GPC5: variants seen among roughly 807,000 people sequenced by gnomAD.
The protein encoded by GPC5 is glypican 5.
In GPC5, 47 loss-of-function variants were observed where a neutral mutation model predicts 53.9. The ratio of observed to expected loss-of-function variants is 0.87; its 90% confidence interval spans 0.69 to 1.11. GPC5 has a LOEUF of 1.11. GPC5 is among the 50% of genes most tolerant of loss of function. The pLI, the probability that GPC5 is intolerant of heterozygous loss-of-function variation, is 0.00. For synonymous variants in GPC5, 286 were observed against 263.3 expected (o/e 1.09, Z -0.84); for missense variants, 748 against 713.1 (o/e 1.05, Z -0.56).
chr13:92,480,650 C>T (rs977695671), intron 7 of GPC5, among the ~76,000 whole-genome samples: 25 of 151,666 alleles, frequency 1.6e-4, no homozygotes, highest in African/African-American at 5.1e-4. Flanking sequence ...TGTTTACATT[C>T]GCAGACTAAA....
intron 7 of GPC5, among the ~76,000 whole-genome samples, chr13:92,544,597 C>A (rs1157851594): frequency 6.6e-6 from 1 of 152,120 alleles, no homozygotes; most frequent in Non-Finnish European, 1.5e-5. Flanking sequence ...GTTTTCCCAA[C>A]ACATGTGTCA....
At chr13:92,734,859 C>T (rs1888897004) in intron 7 of GPC5, among the ~76,000 whole-genome samples, 1 of 151,866 alleles carries the variant, frequency 6.6e-6, no homozygotes, top group African/African-American at 2.4e-5. Context: ...TAAAAGCATT[C>T]ACTTTGTTAT....
intron 7 of GPC5, among the ~76,000 whole-genome samples, chr13:92,550,726 C>T (rs747236432): frequency 6.6e-6 from 1 of 151,866 alleles, no homozygotes; most frequent in Non-Finnish European, 1.5e-5. Flanking sequence ...GTAAAAACTA[C>T]TTGATTGATG....
intron 6 of GPC5, among the ~76,000 whole-genome samples, chr13:91,919,497 T>G (rs1206109632): frequency 6.6e-6 from 1 of 152,240 alleles, no homozygotes; most frequent in East Asian, 1.9e-4. Context: ...ATCACTATGC[T>G]GCTGTGATAA....
intron 2 of GPC5, among the ~76,000 whole-genome samples, chr13:91,634,014 T>C (rs1158657178): frequency 3.9e-5 from 6 of 152,098 alleles, no homozygotes; most frequent in Admixed American, 3.9e-4. Context: ...AAGCACACAT[T>C]TGCTCTCCAT....
intron 2 of GPC5, among the ~76,000 whole-genome samples, chr13:91,530,564 C>T (rs1008628833): frequency 3.3e-5 from 5 of 152,134 alleles, no homozygotes; most frequent in Non-Finnish European, 5.9e-5. Context: ...AATAATTTCA[C>T]CTTTAGCTTT....
intron 6 of GPC5, among the ~76,000 whole-genome samples, chr13:92,107,192 C>T (rs902445690): frequency 6.6e-6 from 1 of 151,908 alleles, no homozygotes; most frequent in African/African-American, 2.4e-5. Context: ...AGAAGGATGC[C>T]CTTATGACTT....
chr13:92,525,437 A>AGTGTGTGTGTGT (rs34946580), intron 7 of GPC5, among the ~76,000 whole-genome samples: 7,622 of 136,502 alleles, frequency 0.056, 310 homozygotes, highest in Non-Finnish European at 0.074. Context: ...GATAGATTCA[A>AGTGTGTGTGTGT]GTGTGTGTGT....
intron 5 of GPC5, among the ~76,000 whole-genome samples, chr13:91,819,389 G>A (rs1354140572): frequency 6.6e-6 from 1 of 151,924 alleles, no homozygotes; most frequent in Non-Finnish European, 1.5e-5. Context: ...TCAAACTCCT[G>A]ACCTCGTGAT....
At chr13:92,346,004 G>A (rs1018125182) in intron 7 of GPC5, among the ~76,000 whole-genome samples, 1 of 152,074 alleles carries the variant, frequency 6.6e-6, no homozygotes, top group African/African-American at 2.4e-5. Context: ...ATTTTACTTT[G>A]AGTCTCTAGA....
intron 6 of GPC5, among the ~76,000 whole-genome samples, chr13:92,090,092 T>C (rs2138894450): frequency 6.6e-6 from 1 of 152,340 alleles, no homozygotes. Context: ...CTGATGTTTT[T>C]TCTAAAACTT....
At chr13:92,145,102 T>C in intron 7 of GPC5, 113 bp downstream of exon 7, 2 of 989,250 alleles carry the variant, frequency 2.0e-6, no homozygotes, top group East Asian at 6.6e-5. Context: ...GCAAGAGGAA[T>C]TGGAAATGGA....
At chr13:92,758,894 T>A (rs956482786) in intron 7 of GPC5, among the ~76,000 whole-genome samples, 1 of 151,992 alleles carries the variant, frequency 6.6e-6, no homozygotes, top group Non-Finnish European at 1.5e-5. Context: ...CCATTTTGAG[T>A]TGATTTTTGT....
intron 7 of GPC5, among the ~76,000 whole-genome samples, chr13:92,856,138 CA>C (rs1352421390): frequency 6.6e-6 from 1 of 151,830 alleles, no homozygotes; most frequent in Non-Finnish European, 1.5e-5. Context: ...TTCAGCAGCA[CA>C]AAAAAATTTA....
chr13:91,557,202 T>G (rs753123296), intron 2 of GPC5, among the ~76,000 whole-genome samples: 3 of 152,128 alleles, frequency 2.0e-5, no homozygotes, highest in Non-Finnish European at 4.4e-5. Context: ...CTCTGCATCC[T>G]CGCCATCATT....
At chr13:92,494,672 A>G (rs1229480544) in intron 7 of GPC5, among the ~76,000 whole-genome samples, 1 of 152,136 alleles carries the variant, frequency 6.6e-6, no homozygotes, top group Non-Finnish European at 1.5e-5. Flanking sequence ...TTATTTTTAA[A>G]TTATTTTTAA....
chr13:92,735,954 T>C (rs1012825072), intron 7 of GPC5, among the ~76,000 whole-genome samples: 1 of 152,014 alleles, frequency 6.6e-6, no homozygotes, highest in Non-Finnish European at 1.5e-5. Context: ...TAGATATACA[T>C]GCTGTAACAC....
intron 7 of GPC5, among the ~76,000 whole-genome samples, chr13:92,370,773 G>T (rs2043643864): frequency 1.3e-5 from 2 of 152,120 alleles, no homozygotes; most frequent in African/African-American, 4.8e-5. Context: ...TATATGATTA[G>T]TTTATTATAT....
intron 6 of GPC5, among the ~76,000 whole-genome samples, chr13:91,984,297 G>A (rs569243320): frequency 3.9e-5 from 6 of 152,186 alleles, no homozygotes; most frequent in South Asian, 4.2e-4. Flanking sequence ...TTCTATAATC[G>A]TTATTCAATC....
Sources: gnomAD v4.1 joint callset for allele counts (sites outside exome capture counted in the v4.1 genomes callset) on GRCh38, gnomAD v4.1.1 for gene constraint, MANE v1.5 for transcripts, NCBI Gene and HGNC (gene_info 2026-07-23, HGNC 2026-07-21) for gene names.